Variants in MGAT4A observed in about 807,000 individuals in gnomAD.
The protein encoded by MGAT4A is alpha-1,3-mannosyl-glycoprotein 4-beta-N-acetylglucosaminyltransferase A.
Under a neutral mutation model 74.1 loss-of-function variants are expected in MGAT4A, and 33 were observed. The ratio of observed to expected loss-of-function variants is 0.45; its 90% CI spans 0.34 to 0.60. MGAT4A has a LOEUF of 0.60. Among genes scored for constraint, MGAT4A ranks in the 20% least tolerant of loss-of-function variants. The pLI is 0.02. For synonymous variants in MGAT4A, 198 were observed against 210.4 expected, an observed-to-expected ratio of 0.94 and a Z score of 0.51; for missense variants, 479 against 628.3, an observed-to-expected ratio of 0.76 and a Z score of 2.54.
chr2:98,629,803 G>A (rs1366508689), intron 14 of MGAT4A, among the ~76,000 whole-genome samples: 1 of 152,168 alleles, frequency 6.6e-6, no homozygotes, highest in Non-Finnish European at 1.5e-5. Flanking sequence ...TGGCACTTTG[G>A]GAGGCTGAGG....
chr2:98,704,026 C>T (rs1702387534), intron 2 of MGAT4A, among the ~76,000 whole-genome samples: 2 of 152,194 alleles, frequency 1.3e-5, no homozygotes, highest in Non-Finnish European at 1.5e-5. Context: ...TGCTCAACTA[C>T]GACTGTGTAA....
At chr2:98,666,196 T>C (rs12616821) in intron 4 of MGAT4A, among the ~76,000 whole-genome samples, 84,060 of 151,862 alleles carry the variant, frequency 0.55, 25,778 homozygotes, top group African/African-American at 0.82. Flanking sequence ...TGGAGACCCT[T>C]GCAAATAGGG....
chr2:98,668,058 A>C (rs1026721518), intron 4 of MGAT4A, among the ~76,000 whole-genome samples: 5 of 152,190 alleles, frequency 3.3e-5, no homozygotes, highest in Non-Finnish European at 5.9e-5. Flanking sequence ...AAAGTTTGGA[A>C]AATTTGCAGC....
At chr2:98,719,068 GA>G (rs1702629842) in intron 2 of MGAT4A, among the ~76,000 whole-genome samples, 1 of 152,206 alleles carries the variant, frequency 6.6e-6, no homozygotes, top group African/African-American at 2.4e-5. Context: ...GGCTTGTGGT[GA>G]GAGAATGGGG....
In MGAT4A at chr2:98,623,712, TAAC is replaced by T; in HGVS notation, c.*1851_*1853del. 1 of 985,470 alleles carries T rather than the reference TAAC, an allele frequency of 1.0e-6. No homozygotes were observed. Among genetic ancestry groups the T allele is most frequent in the Non-Finnish European group, 1.2e-6 (1 of 829,928 alleles). 61.0% of individuals were successfully genotyped at this position (985,470 alleles called of 1,614,324 possible). A position where few individuals can be genotyped will look rare whatever the true frequency, so the allele number is the denominator to read the frequency against. On this transcript the variant is annotated 3_prime_UTR_variant, in exon 16 of 16. Transcript: ENST00000393487. The stretch of plus-strand genomic sequence containing the variant: ...AATCAAGAAAAGTAACTAAAAATTA[TAAC>T]AACATGGAGTGATGGAAATAATTGT...
intron 2 of MGAT4A, among the ~76,000 whole-genome samples, chr2:98,722,421 A>C (rs1702687710): frequency 6.6e-6 from 1 of 152,238 alleles, no homozygotes; most frequent in Admixed American, 6.5e-5. Context: ...ACTAAGTGAA[A>C]AAAGCCAGTC....
intron 9 of MGAT4A, 64 bp downstream of exon 9, chr2:98,645,364 T>C: frequency 1.6e-6 from 2 of 1,224,526 alleles, no homozygotes; most frequent in South Asian, 1.5e-5. Flanking sequence ...AGTAGCTACT[T>C]GGTTTTAGAT....
chr2:98,624,503 ATAT>A lies in MGAT4A; in HGVS notation c.*1060_*1062del. On this transcript the variant is annotated 3_prime_UTR_variant, in exon 16 of 16. Transcript: ENST00000393487. ...CATTTTGGAAAATATACTACTAATA[ATAT>A]ATTTCACCAAAAAACAATATTACAA... 1 of 968,054 alleles carries A rather than the reference ATAT, an allele frequency of 1.0e-6. No homozygotes were observed. The highest frequency in any genetic ancestry group is 1.2e-6 in the Non-Finnish European group (1 of 814,144). The allele number at this position is 968,054 out of a possible 1,614,324, so 60.0% of individuals were successfully genotyped here.
chr2:98,675,313 C>A, intron 3 of MGAT4A, 138 bp from the exon 4 acceptor site: 1 of 621,588 alleles, frequency 1.6e-6, no homozygotes, highest in South Asian at 2.1e-5. Flanking sequence ...TGAATGAGAT[C>A]TCCATTTAAG....
intron 6 of MGAT4A, among the ~76,000 whole-genome samples, chr2:98,657,671 T>C (rs1024285268): frequency 3.9e-5 from 6 of 152,198 alleles, no homozygotes; most frequent in Non-Finnish European, 8.8e-5. Context: ...AAGAAATTCA[T>C]AGCAAGACTA....
intron 2 of MGAT4A, among the ~76,000 whole-genome samples, chr2:98,697,678 G>T (rs1313415151): frequency 3.3e-5 from 5 of 152,186 alleles, no homozygotes; most frequent in Non-Finnish European, 7.4e-5. Flanking sequence ...ATAGGTTTTT[G>T]AAAAAGCAAA....
intron 14 of MGAT4A, among the ~76,000 whole-genome samples, chr2:98,627,861 T>C (rs1244413010): frequency 6.6e-6 from 1 of 152,246 alleles, no homozygotes; most frequent in Non-Finnish European, 1.5e-5. Flanking sequence ...ATTCACAGCA[T>C]TTGTGATGGC....
chr2:98,668,631 G>A (rs963014027), intron 4 of MGAT4A, among the ~76,000 whole-genome samples: 2 of 152,224 alleles, frequency 1.3e-5, no homozygotes, highest in African/African-American at 4.8e-5. Context: ...GCGAGAAGAG[G>A]ACCACCGTCC....
chr2:98,729,037 A>G (rs1702805745), intron 1 of MGAT4A, among the ~76,000 whole-genome samples: 1 of 152,234 alleles, frequency 6.6e-6, no homozygotes, highest in Non-Finnish European at 1.5e-5. Flanking sequence ...CACATCATAT[A>G]GTTAAGGATA....
intron 4 of MGAT4A, among the ~76,000 whole-genome samples, chr2:98,670,719 T>G (rs933356046): frequency 6.6e-6 from 1 of 152,136 alleles, no homozygotes; most frequent in African/African-American, 2.4e-5. Flanking sequence ...CTAGTTGCCC[T>G]TTCTCTGTCT....
rs1264381820 is a variant in MGAT4A, at chr2:98,623,005, G to A, written c.*2561C>T. ...TGCACTCCAGCCTGGGCAACAAAGC[G>A]AGACCCTGTCTCAAAAATAATACAA... On this transcript the variant is annotated 3_prime_UTR_variant, in exon 16 of 16. Coordinates refer to ENST00000393487, the MANE Select transcript of MGAT4A (RefSeq NM_012214.3). The A allele has an allele frequency of 7.1e-6, 7 of 984,774 alleles. No homozygotes were observed. Among genetic ancestry groups the A allele is most frequent in the Middle Eastern group, 5.2e-4 (1 of 1,934 alleles). 61.0% of individuals were successfully genotyped at this position (984,774 alleles called of 1,614,324 possible).
At chr2:98,714,369 G>T (rs1236142318) in intron 2 of MGAT4A, among the ~76,000 whole-genome samples, 2 of 152,104 alleles carry the variant, frequency 1.3e-5, no homozygotes, top group African/African-American at 2.4e-5. Context: ...TTATAGGCAT[G>T]AGCCACCGCA....
In MGAT4A at chr2:98,717,378, C is replaced by CA. The variant is rs35974409; in HGVS notation, c.94+8860dup. Among the ~76,000 whole-genome samples the CA allele has an allele frequency of 3.1e-3, 286 of 92,816 alleles. 2 individuals carry two copies. The highest frequency in any genetic ancestry group is 7.0e-3 in the East Asian group (24 of 3,428). The allele number at this position is 92,816 out of a possible 152,430, so 60.9% of individuals were successfully genotyped here. On this transcript the variant is annotated intron_variant, in intron 2 of 15. Transcript: ENST00000393487. ...TGGGCAACATAGCGAGACTCCATCT[C>CA]AAAAAAAAAAAAAAAGATGGAGGAA... is the stretch of plus-strand genomic sequence containing the variant.
At chr2:98,706,516 G>T (rs933375105) in intron 2 of MGAT4A, among the ~76,000 whole-genome samples, 2 of 151,816 alleles carry the variant, frequency 1.3e-5, no homozygotes, top group African/African-American at 4.8e-5. Context: ...TTTTAGTAGA[G>T]ACGGGGTTTC....
Sources: gnomAD v4.1 joint callset for allele counts (sites outside exome capture counted in the v4.1 genomes callset) on GRCh38, gnomAD v4.1.1 for gene constraint, MANE v1.5 for transcripts, NCBI Gene and HGNC (gene_info 2026-07-23, HGNC 2026-07-21) for gene names.